PLD5: variants seen among roughly 807,000 people sequenced by gnomAD.
The protein encoded by PLD5 is phospholipase D family member 5.
Under a neutral mutation model 61.1 loss-of-function variants are expected in PLD5, and 36 were observed. That is an observed-to-expected ratio of 0.59 (90% CI 0.45 to 0.78). The LOEUF is 0.78. PLD5 is among the 30% of genes least tolerant of loss of function. PLD5 has a pLI of 0.00. For missense variants in PLD5, 515 were observed against 644.4 expected, an observed-to-expected ratio of 0.80 and a Z score of 2.17; for synonymous variants, 243 against 242.8, an observed-to-expected ratio of 1.00 and a Z score of -0.01.
intron 1 of PLD5, among the ~76,000 whole-genome samples, chr1:242,506,439 T>C (rs1173701470): frequency 2.0e-5 from 3 of 152,112 alleles, no homozygotes; most frequent in African/African-American, 7.2e-5. Context: ...CCAGGCCGAC[T>C]CTGTTGAAAC....
chr1:242,430,042 C>T (rs563266100), intron 1 of PLD5, among the ~76,000 whole-genome samples: 1 of 152,236 alleles, frequency 6.6e-6, no homozygotes, highest in Admixed American at 6.5e-5. Flanking sequence ...TTTTAGTGGC[C>T]TCTTTGCCAC....
chr1:242,511,607 T>G (rs1668911420), intron 1 of PLD5, among the ~76,000 whole-genome samples: 1 of 150,016 alleles, frequency 6.7e-6, no homozygotes, highest in African/African-American at 2.5e-5. Flanking sequence ...AAATCAGACA[T>G]GCACAAAATG....
intron 1 of PLD5, among the ~76,000 whole-genome samples, chr1:242,402,922 C>G (rs1420711881): frequency 6.6e-6 from 1 of 152,112 alleles, no homozygotes; most frequent in Non-Finnish European, 1.5e-5. Context: ...TTTACTGCAG[C>G]AATAAATCAC....
intron 7 of PLD5, among the ~76,000 whole-genome samples, chr1:242,112,010 T>C (rs1661547121): frequency 1.3e-5 from 2 of 152,178 alleles, no homozygotes; most frequent in Admixed American, 1.3e-4. Flanking sequence ...ATTTTGTTCA[T>C]AGAACTTCAT....
chr1:242,113,447 T>G (rs533444687), intron 7 of PLD5, among the ~76,000 whole-genome samples: 1 of 152,324 alleles, frequency 6.6e-6, no homozygotes, highest in Non-Finnish European at 1.5e-5. Context: ...AAATGAAGAC[T>G]GCTGTGAATA....
intron 1 of PLD5, among the ~76,000 whole-genome samples, chr1:242,400,045 G>A (rs1663833965): frequency 6.6e-6 from 1 of 152,156 alleles, no homozygotes; most frequent in African/African-American, 2.4e-5. Context: ...GCAGGCGCCT[G>A]TAATCTCAGC....
intron 1 of PLD5, among the ~76,000 whole-genome samples, chr1:242,361,586 T>C (rs961594829): frequency 6.6e-6 from 1 of 152,206 alleles, no homozygotes; most frequent in Non-Finnish European, 1.5e-5. Context: ...AAATTTAAAA[T>C]GCTATTACAT....
chr1:242,225,657 C>G (rs1449563641), intron 4 of PLD5, among the ~76,000 whole-genome samples: 1 of 152,148 alleles, frequency 6.6e-6, no homozygotes, highest in Non-Finnish European at 1.5e-5. Context: ...ATGGAATGCA[C>G]CACACATAAC....
intron 5 of PLD5, among the ~76,000 whole-genome samples, chr1:242,195,001 C>T (rs1208427350): frequency 2.0e-5 from 3 of 152,048 alleles, no homozygotes; most frequent in Non-Finnish European, 2.9e-5. Flanking sequence ...AACCAAACAC[C>T]ACCTGTTCCC....
intron 3 of PLD5, among the ~76,000 whole-genome samples, chr1:242,278,799 A>T (rs1444508031): frequency 3.3e-5 from 5 of 152,240 alleles, no homozygotes; most frequent in Non-Finnish European, 7.3e-5. Flanking sequence ...CAATAAAGGC[A>T]CATTTAACAT....
chr1:242,529,145 T>C (rs1324749787), upstream of PLD5, among the ~76,000 whole-genome samples: 1 of 152,236 alleles, frequency 6.6e-6, no homozygotes, highest in African/African-American at 2.4e-5. Context: ...AATAATTTAA[T>C]ACCAGTAGAA....
intron 5 of PLD5, among the ~76,000 whole-genome samples, chr1:242,128,459 G>A (rs968429728): frequency 1.3e-5 from 2 of 152,194 alleles, no homozygotes; most frequent in Non-Finnish European, 2.9e-5. Flanking sequence ...CAAAGCAGCT[G>A]CCCCTGCCAC....
At chr1:242,242,016 C>CACACACAT (rs1672084108) in intron 4 of PLD5, among the ~76,000 whole-genome samples, 1 of 130,060 alleles carries the variant, frequency 7.7e-6, no homozygotes, top group Non-Finnish European at 1.6e-5. Flanking sequence ...TATATAGACA[C>CACACACAT]ACACACACAC....
chr1:242,475,378 G>C (rs1476317464), intron 1 of PLD5, among the ~76,000 whole-genome samples: 1 of 139,546 alleles, frequency 7.2e-6, no homozygotes, highest in Non-Finnish European at 1.5e-5. Context: ...AGCCGAGATT[G>C]CGCCACTGCA....
intron 5 of PLD5, among the ~76,000 whole-genome samples, chr1:242,133,299 A>G (rs950605152): frequency 6.6e-6 from 1 of 152,140 alleles, no homozygotes; most frequent in African/African-American, 2.4e-5. Flanking sequence ...GTTGTGGGCC[A>G]CTATTTCATT....
At chr1:242,339,164 T>C (rs1274033871) in intron 2 of PLD5, among the ~76,000 whole-genome samples, 6 of 152,190 alleles carry the variant, frequency 3.9e-5, no homozygotes, top group African/African-American at 1.4e-4. Flanking sequence ...CAATGAACAC[T>C]ATTCTTTAAT....
At chr1:242,424,854 G>A (rs967528768) in intron 1 of PLD5, among the ~76,000 whole-genome samples, 3 of 152,098 alleles carry the variant, frequency 2.0e-5, no homozygotes, top group Admixed American at 6.6e-5. Flanking sequence ...GTTGCTGACC[G>A]GGCGTGGTGG....
At chr1:242,162,598 TGA>T (rs1203864668) in intron 5 of PLD5, among the ~76,000 whole-genome samples, 7 of 152,160 alleles carry the variant, frequency 4.6e-5, no homozygotes, top group Admixed American at 3.9e-4. Flanking sequence ...TGCCCAGGGT[TGA>T]GATCTTAGTG....
chr1:242,158,507 C>T (rs1162805397), intron 5 of PLD5, among the ~76,000 whole-genome samples: 1 of 152,132 alleles, frequency 6.6e-6, no homozygotes, highest in Non-Finnish European at 1.5e-5. Context: ...ACCACAGTAT[C>T]TGGGCCAGAG....
Sources: gnomAD v4.1 joint callset for allele counts (sites outside exome capture counted in the v4.1 genomes callset) on GRCh38, gnomAD v4.1.1 for gene constraint, MANE v1.5 for transcripts, NCBI Gene and HGNC (gene_info 2026-07-23, HGNC 2026-07-21) for gene names.